ITFG2: variants seen among roughly 807,000 people sequenced by gnomAD.
ITFG2 encodes integrin alpha FG-GAP repeat containing 2, also known as KICSTOR complex protein ITFG2.
In ITFG2, 36 loss-of-function variants were observed where a neutral mutation model predicts 54.4. That is an observed-to-expected ratio of 0.66 (90% confidence interval 0.51 to 0.87). The LOEUF (loss-of-function observed/expected upper bound fraction) is 0.87. Among genes scored for constraint, ITFG2 ranks in the 40% least tolerant of loss-of-function variants. ITFG2 has a pLI of 0.00. For missense variants in ITFG2, 524 were observed against 576.7 expected, an observed-to-expected ratio of 0.91 and a Z score of 0.94; for synonymous variants, 211 against 225.4, an observed-to-expected ratio of 0.94 and a Z score of 0.57.
upstream of ITFG2, chr12:2,834,830 T>C: frequency 2.5e-6 from 4 of 1,613,620 alleles, no homozygotes; most frequent in Non-Finnish European, 3.4e-6. Context: ...TGCTTGGTGC[T>C]CATGGCCCCT....
rs530489883 is a variant in ITFG2 at position 2,854,393 on chromosome 12, C to T, written n.301-3619C>T. 6.6e-5 allele frequency among the ~76,000 whole-genome samples: 10 copies of T among 152,362 alleles called. No homozygotes were observed. The East Asian group carries it at 7.7e-4, about 12-fold the overall frequency. On this transcript the variant is annotated intron_variant and non_coding_transcript_variant, in intron 2 of 3. Transcript: ENST00000537710. ...TCAATTTATCCTCCCACAGTGAGGTCGGTACCTGAGGCTCCCCCCTTCATC... is the reference window on the plus strand; with the variant it reads ...TCAATTTATCCTCCCACAGTGAGGTTGGTACCTGAGGCTCCCCCCTTCATC...
chr12:2,855,413 G>A (rs1387570774), intron 2 of ITFG2: 2 of 1,482,058 alleles, frequency 1.3e-6, no homozygotes, highest in South Asian at 1.3e-5. Flanking sequence ...GCCCACGTTT[G>A]GGAGGGTGGG....
At chr12:2,844,888 A>T (rs879873722) in intron 2 of ITFG2, among the ~76,000 whole-genome samples, 1 of 152,214 alleles carries the variant, frequency 6.6e-6, no homozygotes, top group Admixed American at 6.5e-5. Flanking sequence ...GAAGCCACAC[A>T]TCGAAATTCC....
rs907954890 is a variant in ITFG2, at chr12:2,845,570, C to G, written n.300+4575C>G. ...GAAATGGCTGGGAAGACTTCCTTTG[C>G]TGGGATTAACTGTTGTCCGTGAAGC... is the stretch of plus-strand genomic sequence containing the variant. On this transcript the variant is annotated intron_variant and non_coding_transcript_variant, in intron 2 of 3. Coordinates refer to the ITFG2 transcript ENST00000537710. This position sits in a 1 kb window ranked among gnomAD's most constrained non-coding sequence, Gnocchi z 4.2. Among the ~76,000 whole-genome samples, 1 of 152,054 alleles carries G rather than the reference C, an allele frequency of 6.6e-6. No homozygotes were observed. Among genetic ancestry groups the G allele is most frequent in the African/African-American group, 2.4e-5 (1 of 41,412 alleles).
At chr12:2,858,519 G>A (rs1047255746) in intron 3 of ITFG2, 2 of 815,350 alleles carry the variant, frequency 2.5e-6, no homozygotes, top group Non-Finnish European at 3.8e-6. Context: ...CAGGCAGCAG[G>A]GAGCTATGAG....
intron 2 of ITFG2, among the ~76,000 whole-genome samples, chr12:2,847,491 C>T (rs1408674404): frequency 2.6e-5 from 4 of 152,128 alleles, no homozygotes; most frequent in African/African-American, 9.7e-5. Context: ...CACGGTGAAA[C>T]CCCGTCTCTA....
Position 2,817,962 on chromosome 12 carries a change from A to T in ITFG2, c.234+12A>T. ...GTAATAAAGGAAAGGTAAGAACTAT[A>T]GGGGACCTTCCTTGGTTCTTAGCTC... On this transcript the variant is annotated intron_variant, in intron 3 of 11. Coordinates refer to ENST00000228799, the MANE Select transcript of ITFG2 (RefSeq NM_018463.4). 1.9e-6 allele frequency: 3 copies of T among 1,613,482 alleles called. No individual in the cohort carries two copies. The highest frequency in any genetic ancestry group is 1.1e-5 in the South Asian group (1 of 91,008).
At chr12:2,854,353 C>G (rs900049411) in intron 2 of ITFG2, among the ~76,000 whole-genome samples, 2 of 152,196 alleles carry the variant, frequency 1.3e-5, no homozygotes, top group Admixed American at 1.3e-4. Flanking sequence ...TCAGTTCTTC[C>G]ACATATTCAC....
upstream of ITFG2, among the ~76,000 whole-genome samples, chr12:2,833,203 G>A (rs1327950172): frequency 6.6e-6 from 1 of 152,036 alleles, no homozygotes; most frequent in Non-Finnish European, 1.5e-5. Context: ...CTGCCACTCC[G>A]GGATGGCAAT....
At chr12:2,820,920 G>C in intron 6 of ITFG2, 48 bp downstream of exon 6, 1 of 1,594,432 alleles carries the variant, frequency 6.3e-7, no homozygotes, top group South Asian at 1.1e-5. Flanking sequence ...ATGGAAGCAG[G>C]ATGGGCTCCC....
intron 2 of ITFG2, chr12:2,830,666 G>A (rs781083202): frequency 6.3e-6 from 10 of 1,576,680 alleles, no homozygotes; most frequent in Non-Finnish European, 8.6e-6. Flanking sequence ...GTGAGTGCAG[G>A]CAGGGTTGTT....
At chr12:2,831,752 C>T (rs1052747439), downstream of ITFG2, among the ~76,000 whole-genome samples, 16 of 151,976 alleles carry the variant, frequency 1.1e-4, no homozygotes, top group Non-Finnish European at 4.4e-5. Context: ...TCTCTCTCTT[C>T]TTTCTTTTCT....
intron 1 of ITFG2, among the ~76,000 whole-genome samples, chr12:2,813,199 A>G (rs899622497): frequency 7.2e-5 from 11 of 152,048 alleles, no homozygotes. Context: ...ACCACGCCCG[A>G]CTAATTTTTG....
rs542650152 is a variant in ITFG2 at position 2,847,197 on chromosome 12, A to T, written n.300+6202A>T. The stretch of plus-strand genomic sequence containing the variant: ...TGTAACATGTATTCTTTTAAAAAAA[A>T]TTTTAATGTGTAAAATATACATATC... On this transcript the variant is annotated intron_variant and non_coding_transcript_variant, in intron 2 of 3. Coordinates refer to the ITFG2 transcript ENST00000537710. Among the ~76,000 whole-genome samples the T allele has an allele frequency of 1.1e-4, 17 of 152,294 alleles. No homozygotes were observed. In the South Asian group the frequency reaches 1.2e-3, roughly 11 times the overall value.
chr12:2,858,308 A>G (rs2153930725), exon 3 of ITFG2: 1 of 282,594 alleles, frequency 3.5e-6, no homozygotes, highest in Non-Finnish European at 6.6e-6. Context: ...ATTTACACGG[A>G]CCACCCTGCA....
intron 2 of ITFG2, among the ~76,000 whole-genome samples, chr12:2,843,668 G>T (rs577735223): frequency 6.6e-6 from 1 of 152,222 alleles, no homozygotes; most frequent in South Asian, 2.1e-4. Context: ...CAAAAATTAG[G>T]TGGGCATGGT....
chr12:2,832,063 T>G (rs1342787756), upstream of ITFG2, among the ~76,000 whole-genome samples: 1 of 152,120 alleles, frequency 6.6e-6, no homozygotes, highest in East Asian at 1.9e-4. Context: ...CTCCAAAATG[T>G]GGTCCTCAGA....
In ITFG2 at chr12:2,818,674, A is replaced by G; in HGVS notation, c.406+397A>G. Reference sequence around the variant, plus strand: ...CTGTCTCTATTTAAAAAAGGAAAAGAAAAGAAAAACTATACATTTTGTAAG... The same window carrying G: ...CTGTCTCTATTTAAAAAAGGAAAAGGAAAGAAAAACTATACATTTTGTAAG... On this transcript the variant is annotated intron_variant, in intron 4 of 11. Coordinates refer to ENST00000228799, the MANE Select transcript of ITFG2 (RefSeq NM_018463.4). 10 of 249,778 alleles carry G rather than the reference A, an allele frequency of 4.0e-5. No individual in the cohort carries two copies. The South Asian group carries it at 5.0e-4, about 13-fold the overall frequency. The allele number at this position is 249,778 out of a possible 1,614,324, so 15.5% of individuals were successfully genotyped here.
Position 2,823,618 on chromosome 12 carries a change from G to C in ITFG2, c.1067-152G>C, listed in dbSNP as rs1243861745. 7.2e-6 allele frequency: 7 copies of C among 967,130 alleles called. No homozygotes were observed. The African/African-American group carries it at 8.1e-5, about 11-fold the overall frequency. The allele number at this position is 967,130 out of a possible 1,614,324, so 59.9% of individuals were successfully genotyped here. A position where few individuals can be genotyped will look rare whatever the true frequency, so the allele number is the denominator to read the frequency against. ...TTTCCCATCTTACTTGTTTTACTGA[G>C]TTCCCAACAGAGAAGAAATAACCTT... is the stretch of plus-strand genomic sequence containing the variant. On this transcript the variant is annotated intron_variant, in intron 10 of 11. Coordinates refer to ENST00000228799, the MANE Select transcript of ITFG2 (RefSeq NM_018463.4).
Sources: gnomAD v4.1 joint callset for allele counts (sites outside exome capture counted in the v4.1 genomes callset) on GRCh38, gnomAD v4.1.1 for gene constraint, Gnocchi (gnomAD v3.1) non-coding constraint, MANE v1.5 for transcripts, NCBI Gene and HGNC (gene_info 2026-07-23, HGNC 2026-07-21) for gene names.